Variants in FLT1 observed in about 807,000 individuals in gnomAD.
FLT1 encodes vascular endothelial growth factor receptor 1.
A neutral mutation model predicts 156.3 loss-of-function variants in FLT1; 49 were observed. That is an observed-to-expected ratio of 0.31 (90% CI 0.25 to 0.40). The LOEUF (loss-of-function observed/expected upper bound fraction) is 0.40. Ranked by LOEUF, FLT1 falls within the 10% of genes least tolerant of loss-of-function variation. FLT1 has a pLI of 1.00. For missense variants in FLT1, 1,322 were observed against 1,637.2 expected (o/e 0.81, Z 3.32); for synonymous variants, 594 against 583.8 (o/e 1.02, Z -0.25).
At chr13:28,308,966 G>T in intron 27 of FLT1, 39 bp from the exon 28 acceptor site, 2 of 1,255,746 alleles carry the variant, frequency 1.6e-6, no homozygotes, top group South Asian at 1.2e-5. Flanking sequence ...GACAGGAAAA[G>T]GCATCCAGCT....
In FLT1 at chr13:28,387,882, C is replaced by T. The variant is rs1232448659; in HGVS notation, c.1969+1914G>A. 3 of 1,053,666 alleles carry T rather than the reference C, an allele frequency of 2.8e-6. No individual in the cohort carries two copies. The East Asian group carries it at 1.6e-4, about 56-fold the overall frequency. 65.3% of individuals were successfully genotyped at this position (1,053,666 alleles called of 1,614,324 possible). A position where few individuals can be genotyped will look rare whatever the true frequency, so the allele number is the denominator to read the frequency against. On this transcript the variant is annotated intron_variant, in intron 13 of 29. Transcript: ENST00000282397. ...ACTAATACTCTATGGAATTCTTAAA[C>T]TCATCTCTTGGAAGTTCTTAAAATC...
rs761754607 is a variant in FLT1, at chr13:28,405,783, A to C, written c.1548T>G (p.Asn516Lys). 4.8e-5 allele frequency: 71 copies of C among 1,474,522 alleles called. 1 individual carries two copies. In the East Asian group the frequency reaches 1.1e-3, roughly 23 times the overall value. The allele number at this position is 1,474,522 out of a possible 1,614,324, so 91.3% of individuals were successfully genotyped here. Reference protein sequence around the residue: ...TQRMAIIEGKNKMASTLVVAD... With the variant: ...TQRMAIIEGKKKMASTLVVAD... ...TGCGCATTTTTACAAACAATACCTT[A>C]TTCTTTCCTTCTATTATTGCCATGC... Residue 516 changes from asparagine (N) to lysine (K), a missense_variant, in exon 11 of 30, where the codon AAT becomes AAG. By Grantham distance (94) the Asn-to-Lys change is moderately conservative. Around this residue, in one of 3 missense-constraint regions of FLT1, gnomAD observed 991 missense variants for 1,254.8 expected, o/e 0.79. Transcript: ENST00000282397.
intron 25 of FLT1, among the ~76,000 whole-genome samples, chr13:28,313,470 C>A (rs1003621769): frequency 6.6e-6 from 1 of 152,172 alleles, no homozygotes; most frequent in Non-Finnish European, 1.5e-5. Flanking sequence ...ACTCTTCTCT[C>A]AGAAGATGGT....
chr13:28,402,746 A>G (rs1875527709), intron 11 of FLT1, among the ~76,000 whole-genome samples: 1 of 152,084 alleles, frequency 6.6e-6, no homozygotes, highest in Admixed American at 6.5e-5. Flanking sequence ...GGGCTTTCTC[A>G]TTATGTTATG....
intron 11 of FLT1, among the ~76,000 whole-genome samples, chr13:28,400,588 G>T (rs1173869238): frequency 6.6e-6 from 1 of 152,134 alleles, no homozygotes; most frequent in African/African-American, 2.4e-5. Flanking sequence ...GGACTAGAAG[G>T]CAGCTTTGCA....
intron 25 of FLT1, among the ~76,000 whole-genome samples, chr13:28,313,091 G>A (rs544723644): frequency 6.6e-6 from 1 of 152,116 alleles, no homozygotes; most frequent in South Asian, 2.1e-4. Context: ...CGATCCTCCT[G>A]CCTTAGCCTC....
At chr13:28,412,523 G>C (rs967204216) in intron 10 of FLT1, among the ~76,000 whole-genome samples, 1 of 147,488 alleles carries the variant, frequency 6.8e-6, no homozygotes, top group African/African-American at 2.5e-5. Flanking sequence ...CCAGGTTCAA[G>C]CGATTCTCCT....
chr13:28,469,426 C>A (rs1397895102), intron 1 of FLT1, among the ~76,000 whole-genome samples: 1 of 152,158 alleles, frequency 6.6e-6, no homozygotes, highest in Non-Finnish European at 1.5e-5. Flanking sequence ...AGAAGATCTG[C>A]GTTTGAGGCT....
chr13:28,483,998 C>A (rs895643736), intron 1 of FLT1, among the ~76,000 whole-genome samples: 8 of 152,176 alleles, frequency 5.3e-5, no homozygotes, highest in Non-Finnish European at 8.8e-5. Flanking sequence ...TGGCCCTCAG[C>A]AAGTCAGCAG....
chr13:28,352,435 T>C (rs1177251706), intron 15 of FLT1, among the ~76,000 whole-genome samples: 2 of 152,190 alleles, frequency 1.3e-5, no homozygotes, highest in East Asian at 3.9e-4. Context: ...ACTTCTATGA[T>C]ACCCAATGCA....
intron 14 of FLT1, among the ~76,000 whole-genome samples, chr13:28,369,386 G>A (rs1026207529): frequency 2.2e-4 from 34 of 151,986 alleles, no homozygotes; most frequent in Middle Eastern, 3.2e-3. Context: ...TTAGCCAGGC[G>A]TGGTGGTGGG....
chr13:28,387,282 A>G (rs1038182427), intron 13 of FLT1: 36 of 1,043,500 alleles, frequency 3.4e-5, no homozygotes, highest in African/African-American at 1.2e-4. Flanking sequence ...TTCTACATTA[A>G]AAGTCTCACT....
At chr13:28,319,659 G>C in intron 23 of FLT1, 125 bp from the exon 24 acceptor site, 2 of 689,572 alleles carry the variant, frequency 2.9e-6, no homozygotes, top group East Asian at 2.7e-5. Flanking sequence ...AGCAGCTCTG[G>C]TTTCCTAACA....
intron 11 of FLT1, 23 bp downstream of exon 11, chr13:28,405,749 ATATCCCAG>A (rs1281043713): frequency 8.7e-7 from 1 of 1,145,862 alleles, no homozygotes; most frequent in East Asian, 2.3e-5. Flanking sequence ...TGTGGAATAA[ATATCCCAG>A]TGCGCATTTT....
intron 1 of FLT1, among the ~76,000 whole-genome samples, chr13:28,475,348 T>A (rs138774471): frequency 1.5e-3 from 236 of 152,330 alleles, no homozygotes; most frequent in Admixed American, 3.7e-3. Flanking sequence ...ATGAAATGCA[T>A]CTGTCTTTGA....
intron 1 of FLT1, among the ~76,000 whole-genome samples, chr13:28,480,293 T>C (rs1216212023): frequency 6.6e-6 from 1 of 152,222 alleles, no homozygotes; most frequent in Non-Finnish European, 1.5e-5. Context: ...TTTGAACGTA[T>C]ACCGATAGAG....
intron 15 of FLT1, among the ~76,000 whole-genome samples, chr13:28,346,578 C>T (rs1005955585): frequency 1.3e-5 from 2 of 148,984 alleles, no homozygotes; most frequent in Non-Finnish European, 3.0e-5. Context: ...AATGTGGTAG[C>T]ACACACTTGT....
At chr13:28,386,098 T>C in intron 13 of FLT1, 1 of 1,054,714 alleles carries the variant, frequency 9.5e-7, no homozygotes, top group Non-Finnish European at 1.1e-6. Context: ...GTATGAGCTT[T>C]CTCTGCCCAT....
chr13:28,455,779 AAAACTCATC>A (rs1316236194), intron 3 of FLT1, among the ~76,000 whole-genome samples: 1 of 152,246 alleles, frequency 6.6e-6, no homozygotes, highest in Non-Finnish European at 1.5e-5. Flanking sequence ...AAGAATTCTT[AAAACTCATC>A]AGTAAGAAAA....
Sources: gnomAD v4.1 joint callset for allele counts (sites outside exome capture counted in the v4.1 genomes callset) on GRCh38, gnomAD v4.1.1 for gene constraint, gnomAD v4.1.1 regional missense constraint, MANE v1.5 for transcripts, NCBI Gene and HGNC (gene_info 2026-07-23, HGNC 2026-07-21) for gene names.